Variants in CNIH3 observed in about 807,000 individuals in gnomAD.
CNIH3 encodes cornichon family AMPA receptor auxiliary protein 3, also known as protein cornichon homolog 3.
A neutral mutation model predicts 24.1 loss-of-function variants in CNIH3; 14 were observed. That is an observed-to-expected ratio of 0.58 (90% CI 0.38 to 0.91). The LOEUF is 0.91. Ranked by LOEUF, CNIH3 falls within the 40% of genes least tolerant of loss-of-function variation. The probability of loss-of-function intolerance (pLI) is 0.00; values close to 1 mark genes in which losing one functional copy is unlikely to be tolerated. For missense variants in CNIH3, 178 were observed against 196.8 expected, an observed-to-expected ratio of 0.90 and a Z score of 0.57; for synonymous variants, 68 against 73.8, an observed-to-expected ratio of 0.92 and a Z score of 0.40.
At chr1:224,519,122 T>C (rs1045890256) in intron 1 of CNIH3, among the ~76,000 whole-genome samples, 4 of 152,234 alleles carry the variant, frequency 2.6e-5, no homozygotes, top group Non-Finnish European at 4.4e-5. Flanking sequence ...GTTACTACTA[T>C]GGTTATCGTA....
intron 1 of CNIH3, among the ~76,000 whole-genome samples, chr1:224,482,145 C>G (rs2124822776): frequency 6.6e-6 from 1 of 152,302 alleles, no homozygotes; most frequent in African/African-American, 2.4e-5. Flanking sequence ...GTGGGTTCCC[C>G]TCTGGCCCAG....
At chr1:224,514,029 C>T (rs546058419), upstream of CNIH3, 2 of 152,386 alleles carry the variant, frequency 1.3e-5, no homozygotes, top group East Asian at 1.9e-4. Flanking sequence ...CCCACAGCGG[C>T]AAGGCAGAGA....
chr1:224,455,222 T>A, intron 1 of CNIH3, among the ~76,000 whole-genome samples: 1 of 152,202 alleles, frequency 6.6e-6, no homozygotes, highest in Non-Finnish European at 1.5e-5. Context: ...ACTCAAAGTA[T>A]GGTTTCTACT....
In CNIH3 at chr1:224,738,499, G is replaced by A. The variant is rs116839268; in HGVS notation, c.456-830G>A. 8.7e-3 allele frequency among the ~76,000 whole-genome samples: 1,327 copies of A among 152,320 alleles called. 27 individuals carry two copies. Among genetic ancestry groups the A allele is most frequent in the African/African-American group, 0.03 (1,251 of 41,558 alleles). On this transcript the variant is annotated intron_variant, in intron 5 of 5. Coordinates refer to ENST00000272133, the MANE Select transcript of CNIH3 (RefSeq NM_152495.2). ...CAGAGGAGCTCATTGGGCATCCACA[G>A]CTGCAAAGGGTTAGAAGTCAAACCT...
At chr1:224,487,793 T>C (rs1048387995) in intron 1 of CNIH3, among the ~76,000 whole-genome samples, 1 of 152,208 alleles carries the variant, frequency 6.6e-6, no homozygotes, top group African/African-American at 2.4e-5. Flanking sequence ...ATTCTCCTTT[T>C]AGCAGGGATC....
intron 1 of CNIH3, among the ~76,000 whole-genome samples, chr1:224,470,502 A>G (rs1317074736): frequency 6.6e-6 from 1 of 151,438 alleles, no homozygotes; most frequent in African/African-American, 2.4e-5. Flanking sequence ...CTTTTTTTGT[A>G]GAGACAAGGG....
At chr1:224,526,146 T>C (rs909514960) in intron 2 of CNIH3, among the ~76,000 whole-genome samples, 1 of 152,230 alleles carries the variant, frequency 6.6e-6, no homozygotes, top group Non-Finnish European at 1.5e-5. Context: ...TACAAATGTA[T>C]GAATTTTATC....
intron 1 of CNIH3, among the ~76,000 whole-genome samples, chr1:224,442,546 G>T (rs1341042528): frequency 6.6e-6 from 1 of 152,008 alleles, no homozygotes; most frequent in Non-Finnish European, 1.5e-5. Flanking sequence ...TCCATTCTTA[G>T]CCTTTTTTTT....
intron 1 of CNIH3, among the ~76,000 whole-genome samples, chr1:224,469,011 C>T (rs1199005693): frequency 6.6e-6 from 1 of 150,842 alleles, no homozygotes; most frequent in Non-Finnish European, 1.5e-5. Flanking sequence ...TTTTTGTGCA[C>T]GTGAATGGGA....
chr1:224,644,880 A>C (rs1389185468), intron 1 of CNIH3, among the ~76,000 whole-genome samples: 1 of 152,198 alleles, frequency 6.6e-6, no homozygotes, highest in East Asian at 1.9e-4. Context: ...ATGCACCTCC[A>C]CTGAGCTGGG....
chr1:224,679,495 A>G (rs972537812), intron 1 of CNIH3, among the ~76,000 whole-genome samples: 6 of 152,208 alleles, frequency 3.9e-5, no homozygotes, highest in Admixed American at 3.9e-4. Context: ...GTCATATATT[A>G]TAGTTTAATA....
At chr1:224,518,502 T>TC (rs981000576) in intron 1 of CNIH3, among the ~76,000 whole-genome samples, 15 of 86,750 alleles carry the variant, frequency 1.7e-4, no homozygotes, top group South Asian at 5.1e-4. Flanking sequence ...TTTTGAAGCC[T>TC]TTTTTTTTTT....
chr1:224,541,557 T>C (rs964267596), downstream of CNIH3, among the ~76,000 whole-genome samples: 7 of 152,196 alleles, frequency 4.6e-5, no homozygotes, highest in Middle Eastern at 3.2e-3. Flanking sequence ...TACCCTGAGC[T>C]GAGTCAGCAA....
Position 224,585,500 on chromosome 1 carries a change from A to T in CNIH3, n.620+2233A>T, listed in dbSNP as rs74554198. Among the ~76,000 whole-genome samples the T allele has an allele frequency of 1.2e-3, 174 of 150,418 alleles. 2 individuals carry two copies. The East Asian group carries it at 0.028, about 24-fold the overall frequency. ...TTCTTTTTTTTTTTTTATTTTTGAG[A>T]CAGGGCCCTGCTCCATTGCCCAGGC... On this transcript the variant is annotated intron_variant and non_coding_transcript_variant, in intron 5 of 5. Transcript: ENST00000471578.
At chr1:224,566,601 G>A (rs11803050) in intron 4 of CNIH3, among the ~76,000 whole-genome samples, 1,816 of 152,086 alleles carry the variant, frequency 0.012, 40 homozygotes, top group African/African-American at 0.041. Flanking sequence ...TCCCACTTAT[G>A]AGTGAGAACA....
intron 3 of CNIH3, among the ~76,000 whole-genome samples, chr1:224,556,538 C>G (rs1315531807): frequency 1.3e-5 from 2 of 152,140 alleles, no homozygotes; most frequent in Non-Finnish European, 2.9e-5. Context: ...GGACTGGTTT[C>G]ATGGAAGATA....
chr1:224,682,926 C>T (rs530908946), intron 2 of CNIH3, among the ~76,000 whole-genome samples: 2 of 152,374 alleles, frequency 1.3e-5, no homozygotes, highest in South Asian at 4.1e-4. Context: ...CATGCAAATT[C>T]CATGCTGGGT....
At position 224,506,205 on chromosome 1, in the gene CNIH3, G is replaced by C. The variant is rs1303934027; in HGVS notation, n.204-9536G>C. Among the ~76,000 whole-genome samples the C allele has an allele frequency of 2.6e-5, 4 of 152,178 alleles. No homozygotes were observed. In the East Asian group the frequency reaches 7.7e-4, roughly 29 times the overall value. On this transcript the variant is annotated intron_variant and non_coding_transcript_variant, in intron 1 of 5. Transcript: ENST00000471578. ...AATAAACCAAAAAATCAGCAGTGAAGTGCTGTTGGTGTGTCACCAGGCCTG... is the reference window on the plus strand; with the variant it reads ...AATAAACCAAAAAATCAGCAGTGAACTGCTGTTGGTGTGTCACCAGGCCTG...
intron 1 of CNIH3, among the ~76,000 whole-genome samples, chr1:224,439,444 A>C (rs1674799391): frequency 6.6e-6 from 1 of 152,138 alleles, no homozygotes; most frequent in Non-Finnish European, 1.5e-5. Context: ...GAAGGAACTG[A>C]AATGAACCAT....
Sources: gnomAD v4.1 joint callset for allele counts (sites outside exome capture counted in the v4.1 genomes callset) on GRCh38, gnomAD v4.1.1 for gene constraint, MANE v1.5 for transcripts, NCBI Gene and HGNC (gene_info 2026-07-23, HGNC 2026-07-21) for gene names.